Variants in KHDRBS2 observed in about 807,000 individuals in gnomAD.
The protein encoded by KHDRBS2 is KH domain-containing, RNA-binding, signal transduction-associated protein 2.
KHDRBS2 carries 26 observed loss-of-function variants against 44.3 expected under a neutral mutation model. That is an observed-to-expected ratio of 0.59 (90% CI 0.43 to 0.81). The LOEUF (loss-of-function observed/expected upper bound fraction) is 0.81, where lower values mean the gene tolerates loss of function less well. KHDRBS2 is among the 40% of genes least tolerant of loss of function. The pLI is 0.00. For synonymous variants in KHDRBS2, 194 were observed against 151.1 expected, an observed-to-expected ratio of 1.28 and a Z score of -2.08; for missense variants, 476 against 433.1, an observed-to-expected ratio of 1.10 and a Z score of -0.88.
At chr6:61,848,495 A>ACG (rs1401936661) in intron 6 of KHDRBS2, among the ~76,000 whole-genome samples, 3 of 58,200 alleles carry the variant, frequency 5.2e-5, no homozygotes, top group South Asian at 1.2e-3. Flanking sequence ...ATATATGTAT[A>ACG]TATATATATA....
chr6:62,197,630 C>A (rs1035480180), intron 1 of KHDRBS2, among the ~76,000 whole-genome samples: 8 of 151,860 alleles, frequency 5.3e-5, no homozygotes, highest in African/African-American at 1.7e-4. Context: ...GAGACAAAGT[C>A]CACTAACTTA....
intron 4 of KHDRBS2, among the ~76,000 whole-genome samples, chr6:61,956,539 G>C (rs1304901319): frequency 6.6e-6 from 1 of 152,060 alleles, no homozygotes; most frequent in Non-Finnish European, 1.5e-5. Context: ...CAGAGCCACA[G>C]TGAGCACTCA....
chr6:62,068,079 G>C (rs1353859169), intron 2 of KHDRBS2, among the ~76,000 whole-genome samples: 2 of 151,352 alleles, frequency 1.3e-5, no homozygotes, highest in Non-Finnish European at 1.5e-5. Flanking sequence ...GGATTATATG[G>C]GAATTCTAAG....
chr6:61,587,215 C>T, the KHDRBS2 span, among the ~76,000 whole-genome samples: 8,116 of 152,210 alleles, frequency 0.053, 282 homozygotes, highest in Non-Finnish European at 0.079. Flanking sequence ...CTAGACTTAG[C>T]AGATACTTCT....
chr6:61,711,686 C>G (rs1363731066), intron 7 of KHDRBS2, among the ~76,000 whole-genome samples: 1 of 151,770 alleles, frequency 6.6e-6, no homozygotes, highest in African/African-American at 2.4e-5. Flanking sequence ...CCAGTCAACT[C>G]TCATCTGATA....
intron 2 of KHDRBS2, among the ~76,000 whole-genome samples, chr6:62,164,433 C>G (rs1818262365): frequency 6.6e-6 from 1 of 151,828 alleles, no homozygotes; most frequent in African/African-American, 2.4e-5. Context: ...AATTGCTTTA[C>G]ATTAGCCCAA....
intron 1 of KHDRBS2, among the ~76,000 whole-genome samples, chr6:62,222,377 C>T (rs1479717764): frequency 6.6e-6 from 1 of 151,998 alleles, no homozygotes; most frequent in Non-Finnish European, 1.5e-5. Context: ...CTGGAGAGGC[C>T]TCAAAATCAT....
In KHDRBS2 at chr6:61,922,918, G is replaced by A. The variant is rs536473315; in HGVS notation, c.484-21547C>T. Among the ~76,000 whole-genome samples the A allele has an allele frequency of 8.9e-4, 135 of 152,188 alleles. 2 individuals are homozygous for A. Among genetic ancestry groups the A allele is most frequent in the Admixed American group, 1.4e-3 (21 of 15,248 alleles). On this transcript the variant is annotated intron_variant, in intron 4 of 8. Coordinates refer to ENST00000281156, the MANE Select transcript of KHDRBS2 (RefSeq NM_152688.4). ...ATCAATTCAGAATCACCAGGCATGC[G>A]AAGAAGCAGTAAAATATGATACATA...
Position 62,214,778 on chromosome 6 carries a change from G to A in KHDRBS2, c.92-37466C>T, listed in dbSNP as rs538848961. Among the ~76,000 whole-genome samples, 320 of 152,012 alleles carry A rather than the reference G, an allele frequency of 2.1e-3. 2 individuals carry two copies. The highest frequency in any genetic ancestry group is 7.2e-3 in the African/African-American group (301 of 41,522). On this transcript the variant is annotated intron_variant, in intron 1 of 8. Transcript: ENST00000281156. ...TTTACCCAGAGCAGCGAAACTAGCT[G>A]GATGCTAAGTACGTCTCACATATGC...
chr6:61,655,205 C>A, the KHDRBS2 span, among the ~76,000 whole-genome samples: 7 of 145,396 alleles, frequency 4.8e-5, no homozygotes, highest in Non-Finnish European at 9.0e-5. Context: ...GTTCTTAGAA[C>A]GTTTAAATAC....
intron 6 of KHDRBS2, among the ~76,000 whole-genome samples, chr6:61,819,505 T>A (rs1789532685): frequency 6.6e-6 from 1 of 151,998 alleles, no homozygotes; most frequent in African/African-American, 2.4e-5. Context: ...GATATATCTA[T>A]AAACAATATC....
chr6:61,849,585 A>G (rs990943569), intron 6 of KHDRBS2, among the ~76,000 whole-genome samples: 1 of 151,788 alleles, frequency 6.6e-6, no homozygotes, highest in Admixed American at 6.6e-5. Context: ...TGTTTTAACT[A>G]TTACCTTTTC....
intron 6 of KHDRBS2, among the ~76,000 whole-genome samples, chr6:61,859,975 GA>G (rs1178479150): frequency 6.6e-6 from 1 of 151,924 alleles, no homozygotes; most frequent in Admixed American, 6.6e-5. Flanking sequence ...GACATTATTT[GA>G]GACATAGAGA....
chr6:62,148,755 C>T (rs1814472451), intron 2 of KHDRBS2, among the ~76,000 whole-genome samples: 1 of 152,046 alleles, frequency 6.6e-6, no homozygotes, highest in Non-Finnish European at 1.5e-5. Flanking sequence ...AGCCTGTCTT[C>T]ACAGGTACTG....
rs1369176245 is a variant in KHDRBS2, at chr6:62,104,877, A to C, written c.220-56883T>G. On this transcript the variant is annotated intron_variant, in intron 2 of 8. Transcript: ENST00000281156. The stretch of plus-strand genomic sequence containing the variant: ...AGTAGTTCTTAGAGAAGATCAATAA[A>C]ATTTATAAGCCTTCTGTGAGACTTG... Among the ~76,000 whole-genome samples, 3 of 152,134 alleles carry C rather than the reference A, an allele frequency of 2.0e-5. No individual in the cohort carries two copies. The East Asian group carries it at 5.8e-4, about 29-fold the overall frequency.
chr6:62,110,726 A>G (rs1404204377), intron 2 of KHDRBS2, among the ~76,000 whole-genome samples: 2 of 152,062 alleles, frequency 1.3e-5, no homozygotes, highest in Non-Finnish European at 2.9e-5. Flanking sequence ...TAGAGGAGGC[A>G]AGGAGTGAGG....
the KHDRBS2 span, among the ~76,000 whole-genome samples, chr6:61,596,104 T>A: frequency 6.6e-6 from 1 of 151,922 alleles, no homozygotes; most frequent in African/African-American, 2.4e-5. Flanking sequence ...TAGACACACC[T>A]CTCCATGGCC....
chr6:62,167,644 G>T (rs1464693283), intron 2 of KHDRBS2, among the ~76,000 whole-genome samples: 1 of 152,068 alleles, frequency 6.6e-6, no homozygotes, highest in Non-Finnish European at 1.5e-5. Flanking sequence ...TGATATGAAT[G>T]AAACTGAAAT....
chr6:61,690,281 A>G (rs1222545110), intron 8 of KHDRBS2, among the ~76,000 whole-genome samples: 1 of 151,890 alleles, frequency 6.6e-6, no homozygotes, highest in Non-Finnish European at 1.5e-5. Flanking sequence ...TGCTTTATAA[A>G]CAATTCATTT....
Sources: allele counts gnomAD v4.1 joint callset (sites outside exome capture counted in the v4.1 genomes callset), GRCh38; gene constraint gnomAD v4.1.1; transcripts MANE v1.5; gene names NCBI Gene and HGNC (gene_info 2026-07-23, HGNC 2026-07-21).